The following PLCG2 variants were observed in gnomAD, a reference collection of about 807,000 sequenced individuals.
The protein encoded by PLCG2 is 1-phosphatidylinositol 4,5-bisphosphate phosphodiesterase gamma-2.
PLCG2 carries 69 observed loss-of-function variants against 175.6 expected under a neutral mutation model. The observed-to-expected ratio is 0.39, with a 90% confidence interval of 0.32 to 0.48. The LOEUF (loss-of-function observed/expected upper bound fraction) is 0.48. PLCG2 is among the 20% of genes least tolerant of loss of function. PLCG2 has a pLI of 0.91. For missense variants in PLCG2, 1,798 were observed against 1,650.9 expected (o/e 1.09, Z -1.54); for synonymous variants, 827 against 624.0 (o/e 1.33, Z -4.85).
chr16:81,877,270 C>T (rs35283641), intron 7 of PLCG2, among the ~76,000 whole-genome samples: 40,857 of 151,902 alleles, frequency 0.27, 5,764 homozygotes, highest in Non-Finnish European at 0.32. Flanking sequence ...CTGGCTGACA[C>T]GGTGAAACCC....
intron 5 of PLCG2, among the ~76,000 whole-genome samples, chr16:81,863,673 C>A (rs968203647): frequency 6.6e-6 from 1 of 152,244 alleles, no homozygotes; most frequent in Non-Finnish European, 1.5e-5. Context: ...GCAGCTACAC[C>A]TTCCCAAGGC....
intron 2 of PLCG2, among the ~76,000 whole-genome samples, chr16:81,810,559 C>G (rs892520319): frequency 2.6e-5 from 4 of 152,142 alleles, no homozygotes; most frequent in African/African-American, 7.2e-5. Context: ...CAAGATGACA[C>G]TCTGCCTTCC....
intron 7 of PLCG2, among the ~76,000 whole-genome samples, chr16:81,879,879 G>A (rs972560746): frequency 1.3e-5 from 2 of 152,188 alleles, no homozygotes; most frequent in African/African-American, 4.8e-5. Flanking sequence ...ACGGCAGTGG[G>A]CTGTGAAGAG....
intron 7 of PLCG2, among the ~76,000 whole-genome samples, chr16:81,874,544 G>A (rs13335020): frequency 0.012 from 1,823 of 152,266 alleles, 41 homozygotes; most frequent in African/African-American, 0.038. Flanking sequence ...TCCTGTTCCT[G>A]GCTGGAAGCA....
At chr16:81,905,609 T>G (rs533563875) in intron 15 of PLCG2, 102 bp downstream of exon 15, 1 of 712,970 alleles carries the variant, frequency 1.4e-6, no homozygotes, top group South Asian at 1.6e-5. Context: ...CTTGTTCCCA[T>G]TTTTAGTCAA....
intron 2 of PLCG2, among the ~76,000 whole-genome samples, chr16:81,770,922 G>T (rs1275784209): frequency 6.6e-6 from 1 of 151,964 alleles, no homozygotes; most frequent in Admixed American, 6.6e-5. Context: ...GCTGGGCGTG[G>T]TTGCAGGTGC....
intron 2 of PLCG2, among the ~76,000 whole-genome samples, chr16:81,790,019 G>T (rs1444785755): frequency 2.0e-5 from 3 of 152,260 alleles, no homozygotes; most frequent in African/African-American, 7.2e-5. Flanking sequence ...GAGCTTTGCT[G>T]TGTGATCTTG....
At position 81,928,627 on chromosome 16, in the gene PLCG2, A is replaced by G. The variant is rs1388078163; in HGVS notation, c.2581+3A>G. On this transcript the variant is annotated splice_donor_region_variant and intron_variant, in intron 24 of 32. Transcript: ENST00000564138. ...GGACCTCAATACCTATAACGTCGGT[A>G]CGTGCACACATCATCTTAGCCTGGA... 50 of 1,588,442 alleles carry G rather than the reference A, an allele frequency of 3.1e-5. 1 individual carries two copies. The Admixed American group carries it at 8.2e-4, about 26-fold the overall frequency.
chr16:81,805,351 T>C (rs1458273867), intron 2 of PLCG2, among the ~76,000 whole-genome samples: 1 of 151,626 alleles, frequency 6.6e-6, no homozygotes, highest in Non-Finnish European at 1.5e-5. Context: ...TATAAAAAAT[T>C]AGCCGGGTGT....
Position 81,958,281 on chromosome 16 carries a change from A to T in PLCG2, c.*283A>T. ...GTTCCAAACCTCATTGAATAAAAGC[A>T]ATGAAAACCTTGATCAATTAAGCCT... On this transcript the variant is annotated 3_prime_UTR_variant, in exon 33 of 33. Transcript: ENST00000564138. 2.3e-6 allele frequency: 1 copy of T among 441,594 alleles called. No individual in the cohort carries two copies. Among genetic ancestry groups the T allele is most frequent in the Non-Finnish European group, 4.1e-6 (1 of 245,056 alleles). 27.4% of individuals were successfully genotyped at this position (441,594 alleles called of 1,614,324 possible). A position where few individuals can be genotyped will look rare whatever the true frequency, so the allele number is the denominator to read the frequency against.
chr16:81,833,469 C>T (rs539659317), intron 2 of PLCG2, among the ~76,000 whole-genome samples: 2 of 150,780 alleles, frequency 1.3e-5, no homozygotes, highest in East Asian at 3.9e-4. Flanking sequence ...TCCTGTTAAT[C>T]ACTGACAAGG....
intron 7 of PLCG2, among the ~76,000 whole-genome samples, chr16:81,877,264 C>G (rs1210023212): frequency 6.6e-6 from 1 of 152,190 alleles, no homozygotes; most frequent in Non-Finnish European, 1.5e-5. Context: ...ACCATCCTGG[C>G]TGACACGGTG....
At chr16:81,878,451 C>G (rs1907922398) in intron 7 of PLCG2, among the ~76,000 whole-genome samples, 2 of 152,186 alleles carry the variant, frequency 1.3e-5, no homozygotes, top group African/African-American at 4.8e-5. Flanking sequence ...GGACACCATC[C>G]TATACATAAT....
intron 25 of PLCG2, 53 bp downstream of exon 25, chr16:81,931,707 G>T: frequency 1.3e-6 from 2 of 1,555,226 alleles, no homozygotes; most frequent in Non-Finnish European, 1.8e-6. Context: ...GAGGGCTTTG[G>T]TGCTCAGTTG....
intron 7 of PLCG2, among the ~76,000 whole-genome samples, chr16:81,879,250 G>T (rs1907963448): frequency 6.6e-6 from 1 of 152,180 alleles, no homozygotes; most frequent in African/African-American, 2.4e-5. Context: ...AGCCCCTGAT[G>T]CCTTCAGCAG....
At chr16:81,793,440 AC>A (rs1911328388) in intron 2 of PLCG2, among the ~76,000 whole-genome samples, 1 of 152,086 alleles carries the variant, frequency 6.6e-6, no homozygotes, top group Non-Finnish European at 1.5e-5. Flanking sequence ...ATGTGGTGCC[AC>A]CTGTTTGTGG....
chr16:81,902,029 A>C (rs1909173230), intron 14 of PLCG2, among the ~76,000 whole-genome samples: 1 of 152,214 alleles, frequency 6.6e-6, no homozygotes, highest in Non-Finnish European at 1.5e-5. Flanking sequence ...GGTCTCAGGC[A>C]CATCCGAGTT....
intron 19 of PLCG2, among the ~76,000 whole-genome samples, chr16:81,914,848 A>C (rs905440527): frequency 1.3e-5 from 2 of 152,164 alleles, no homozygotes; most frequent in African/African-American, 4.8e-5. Flanking sequence ...ACCTCACCCC[A>C]TGGCCCACTG....
chr16:81,957,898 C>G, intron 32 of PLCG2, 58 bp from the exon 33 acceptor site: 1 of 1,432,660 alleles, frequency 7.0e-7, no homozygotes, highest in Admixed American at 1.7e-5. Context: ...TTACAGAGTT[C>G]AGCACGCAGC....
Sources: gnomAD v4.1 joint callset for allele counts (sites outside exome capture counted in the v4.1 genomes callset) on GRCh38, gnomAD v4.1.1 for gene constraint, MANE v1.5 for transcripts, NCBI Gene and HGNC (gene_info 2026-07-23, HGNC 2026-07-21) for gene names.